Variants in COL25A1 observed in about 807,000 individuals in gnomAD.
The protein encoded by COL25A1 is collagen type XXV alpha 1 chain, also known as collagen alpha-1(XXV) chain.
Under a neutral mutation model 128.4 loss-of-function variants are expected in COL25A1, and 103 were observed. The observed-to-expected ratio is 0.80, with a 90% CI of 0.68 to 0.94. COL25A1 has a LOEUF of 0.94. COL25A1 is among the 40% of genes least tolerant of loss of function. The probability of loss-of-function intolerance (pLI) is 0.00; values close to 1 mark genes in which losing one functional copy is unlikely to be tolerated. For synonymous variants in COL25A1, 279 were observed against 277.2 expected (o/e 1.01, Z -0.06); for missense variants, 745 against 840.0 (o/e 0.89, Z 1.40).
intron 16 of COL25A1, among the ~76,000 whole-genome samples, chr4:108,894,402 C>T (rs1465939102): frequency 1.3e-5 from 2 of 151,808 alleles, no homozygotes; most frequent in African/African-American, 4.8e-5. Context: ...AGAATATTTC[C>T]TTTCTTTTAA....
intron 3 of COL25A1, among the ~76,000 whole-genome samples, chr4:109,202,486 T>C (rs1179769304): frequency 6.6e-6 from 1 of 151,614 alleles, no homozygotes; most frequent in East Asian, 1.9e-4. Context: ...CTGACCTGAA[T>C]GCAAAATGCA....
rs75091692 is a variant in COL25A1 at position 109,259,083 on chromosome 4, A to C, written c.367+41500T>G. On this transcript the variant is annotated intron_variant, in intron 3 of 37. Transcript: ENST00000399132. ...TCCTTATGTTTTATTTCTCTGTGTA[A>C]AGCTCCTCAGGGCAGGGACTGTGAA... Among the ~76,000 whole-genome samples, 10 of 152,212 alleles carry C rather than the reference A, an allele frequency of 6.6e-5. No individual in the cohort carries two copies. The East Asian group carries it at 1.9e-3, about 29-fold the overall frequency.
chr4:109,023,830 C>G (rs996466707), intron 5 of COL25A1, among the ~76,000 whole-genome samples: 4 of 152,186 alleles, frequency 2.6e-5, no homozygotes, highest in Non-Finnish European at 5.9e-5. Context: ...TCCAGAAGAA[C>G]ACTGTGCCTG....
intron 6 of COL25A1, among the ~76,000 whole-genome samples, chr4:108,991,112 T>C (rs1042241882): frequency 6.6e-6 from 1 of 152,096 alleles, no homozygotes; most frequent in African/African-American, 2.4e-5. Context: ...CAGTAATGAG[T>C]AAATTCAGGG....
chr4:108,853,781 C>G (rs1736121324), intron 24 of COL25A1, among the ~76,000 whole-genome samples: 1 of 151,290 alleles, frequency 6.6e-6, no homozygotes, highest in East Asian at 2.0e-4. Context: ...GTTTTCTGTT[C>G]CTGGGTTAGT....
intron 3 of COL25A1, among the ~76,000 whole-genome samples, chr4:109,281,086 GTTAA>G (rs779014521): frequency 1.5e-4 from 23 of 152,114 alleles, no homozygotes; most frequent in Non-Finnish European, 2.5e-4. Context: ...AGGAAAAGAA[GTTAA>G]TTAATTAATT....
rs1235115255 is a variant in COL25A1, at chr4:109,301,887, C to T, written c.133G>A (p.Ala45Thr). Residue 45 changes from alanine (A) to threonine (T), a missense_variant, in exon 2 of 38, where the codon GCC (alanine) becomes ACC (threonine). Physicochemically the swap from Ala to Thr is moderately conservative, Grantham distance 58. Around this residue, in one of 3 missense-constraint regions of COL25A1, gnomAD observed 319 missense variants for 324.9 expected, o/e 0.98. Coordinates refer to ENST00000399132, the MANE Select transcript of COL25A1 (RefSeq NM_198721.4). ...AVLAALLSVV[A>T]VVSCLYLGVK... ...CCCAGGTACAGGCAAGACACCACGG[C>T]CACCACTGACAGGAGGGCCGCCAGG... 1 of 1,614,074 alleles carries T rather than the reference C, an allele frequency of 6.2e-7. No individual in the cohort carries two copies. Among genetic ancestry groups the T allele is most frequent in the African/African-American group, 1.3e-5 (1 of 74,946 alleles).
intron 11 of COL25A1, among the ~76,000 whole-genome samples, chr4:108,928,459 T>A (rs909083502): frequency 2.6e-5 from 4 of 152,180 alleles, no homozygotes; most frequent in Admixed American, 2.6e-4. Context: ...ACTGAGCACC[T>A]GAAATGTGGC....
intron 3 of COL25A1, among the ~76,000 whole-genome samples, chr4:109,191,136 G>A (rs1440930456): frequency 6.6e-6 from 1 of 152,092 alleles, no homozygotes; most frequent in Middle Eastern, 3.2e-3. Context: ...CAGAAAGCAG[G>A]ATTTTAAATA....
At chr4:109,199,142 A>T (rs1042126052) in intron 3 of COL25A1, among the ~76,000 whole-genome samples, 1 of 152,176 alleles carries the variant, frequency 6.6e-6, no homozygotes, top group Admixed American at 6.6e-5. Context: ...AAAGAATGCA[A>T]AGGATCTTTA....
Position 109,065,532 on chromosome 4 carries a change from ACGCG to A in COL25A1, c.368-15357_368-15354del, listed in dbSNP as rs560432083. 4.4e-3 allele frequency among the ~76,000 whole-genome samples: 558 copies of A among 126,574 alleles called. 3 individuals carry two copies. Among genetic ancestry groups the A allele is most frequent in the African/African-American group, 0.016 (540 of 33,234 alleles). 83.0% of individuals were successfully genotyped at this position (126,574 alleles called of 152,430 possible). On this transcript the variant is annotated intron_variant, in intron 3 of 37. Coordinates refer to ENST00000399132, the MANE Select transcript of COL25A1 (RefSeq NM_198721.4). ...CTTGCAAATACCTTTTTGGTGCAGC[ACGCG>A]CGCGCGCGCGTGTGTGTGTGTGTGT...
intron 3 of COL25A1, among the ~76,000 whole-genome samples, chr4:109,155,187 G>T (rs1279553342): frequency 6.6e-6 from 1 of 152,092 alleles, no homozygotes; most frequent in Admixed American, 6.6e-5. Context: ...GAGTTATTTG[G>T]CACTGTTGCT....
chr4:109,301,073 T>C (rs1725475479), intron 2 of COL25A1, among the ~76,000 whole-genome samples: 1 of 152,044 alleles, frequency 6.6e-6, no homozygotes, highest in Non-Finnish European at 1.5e-5. Context: ...CCGGCTAGGG[T>C]AAGGTTCCAG....
In COL25A1 at chr4:108,983,002, T is replaced by C. The variant is rs113935497; in HGVS notation, c.439-8443A>G. On this transcript the variant is annotated intron_variant, in intron 6 of 37. Coordinates refer to ENST00000399132, the MANE Select transcript of COL25A1 (RefSeq NM_198721.4). ...GTAAGACTGATGTAGCTCAATGGAG[T>C]TAAAGGCTTATAAAACAGCAGGAAT... Among the ~76,000 whole-genome samples the C allele has an allele frequency of 6.9e-3, 1,049 of 152,116 alleles. 6 individuals carry two copies. The highest frequency in any genetic ancestry group is 0.011 in the Non-Finnish European group (769 of 67,996).
At chr4:108,964,263 G>T (rs948102575) in intron 8 of COL25A1, among the ~76,000 whole-genome samples, 62 of 151,684 alleles carry the variant, frequency 4.1e-4, no homozygotes, top group Non-Finnish European at 2.4e-4. Context: ...CTTGTCAGAG[G>T]ATGTGCTTAG....
chr4:108,883,773 G>T (rs142509499), intron 19 of COL25A1, among the ~76,000 whole-genome samples: 103 of 152,282 alleles, frequency 6.8e-4, no homozygotes, highest in African/African-American at 2.3e-3. Context: ...ATTATAATGA[G>T]TGAATCACAA....
At chr4:109,016,335 G>A (rs1206186057) in intron 5 of COL25A1, among the ~76,000 whole-genome samples, 1 of 152,252 alleles carries the variant, frequency 6.6e-6, no homozygotes, top group African/African-American at 2.4e-5. Context: ...AGGCCAGTGG[G>A]GCTGAGGGCA....
chr4:108,815,734 G>C (rs1731189843), intron 37 of COL25A1, among the ~76,000 whole-genome samples: 1 of 152,010 alleles, frequency 6.6e-6, no homozygotes, highest in African/African-American at 2.4e-5. Flanking sequence ...GAACCAAAAA[G>C]ATGATGCCCA....
At chr4:109,029,683 A>G (rs1210514989) in intron 5 of COL25A1, among the ~76,000 whole-genome samples, 2 of 152,170 alleles carry the variant, frequency 1.3e-5, no homozygotes, top group Non-Finnish European at 2.9e-5. Flanking sequence ...TGAGGCATCC[A>G]CTGAGGGTTT....
Sources: gnomAD v4.1 joint callset for allele counts (sites outside exome capture counted in the v4.1 genomes callset) on GRCh38, gnomAD v4.1.1 for gene constraint, gnomAD v4.1.1 regional missense constraint, MANE v1.5 for transcripts, NCBI Gene and HGNC (gene_info 2026-07-23, HGNC 2026-07-21) for gene names.